ABCA8: variants seen among roughly 807,000 people sequenced by gnomAD.
The protein encoded by ABCA8 is ATP binding cassette subfamily A member 8.
A neutral mutation model predicts 192.3 loss-of-function variants in ABCA8; 177 were observed. That is an observed-to-expected ratio of 0.92 (90% CI 0.81 to 1.04). The LOEUF (loss-of-function observed/expected upper bound fraction) is 1.04, where lower values mean the gene tolerates loss of function less well. Ranked by LOEUF, ABCA8 falls within the 50% of genes least tolerant of loss-of-function variation. The pLI is 0.00. For missense variants in ABCA8, 1,915 were observed against 1,904.8 expected, an observed-to-expected ratio of 1.01 and a Z score of -0.10; for synonymous variants, 642 against 690.2, an observed-to-expected ratio of 0.93 and a Z score of 1.09.
chr17:68,942,428 G>A (rs2068258444), intron 2 of ABCA8, among the ~76,000 whole-genome samples: 1 of 152,216 alleles, frequency 6.6e-6, no homozygotes, highest in Non-Finnish European at 1.5e-5. Flanking sequence ...CCAGGTATCA[G>A]AATAGTTCAT....
chr17:68,918,167 G>A lies in ABCA8; in HGVS notation c.1927C>T (p.Pro643Ser). ...GAAAAGGGATCCAATCCAGCAGTTG[G>A]TTCATCCAACAGGAAAATCTATAAA... is the stretch of plus-strand genomic sequence containing the variant. ...GDPQIFLLDE[P>S]TAGLDPFSRH... The change falls in exon 16 of 40, where the codon CCA (proline) becomes TCA (serine). Residue 643 changes from proline (P) to serine (S), a missense_variant. Physicochemically the swap from Pro to Ser is moderately conservative, Grantham distance 74. Coordinates refer to ENST00000586539, the MANE Select transcript of ABCA8 (RefSeq NM_001288985.2). The A allele has an allele frequency of 6.2e-7, 1 of 1,614,080 alleles. No individual in the cohort carries two copies. The highest frequency in any genetic ancestry group is 1.6e-4 in the Middle Eastern group (1 of 6,062).
intron 29 of ABCA8, among the ~76,000 whole-genome samples, chr17:68,883,364 C>A (rs879823345): frequency 2.0e-5 from 3 of 152,182 alleles, no homozygotes; most frequent in African/African-American, 7.2e-5. Context: ...GCTTTTAAGT[C>A]CCATTAATAA....
chr17:68,875,151 C>A, intron 37 of ABCA8, 109 bp downstream of exon 37: 2 of 1,466,672 alleles, frequency 1.4e-6, no homozygotes, highest in Non-Finnish European at 1.8e-6. Flanking sequence ...CAGAATCCAA[C>A]AAATAATCTC....
intron 21 of ABCA8, among the ~76,000 whole-genome samples, chr17:68,900,322 A>G (rs2066873178): frequency 6.6e-6 from 1 of 152,110 alleles, no homozygotes; most frequent in African/African-American, 2.4e-5. Context: ...TTGTGTAACA[A>G]CAAATTAGAT....
intron 24 of ABCA8, among the ~76,000 whole-genome samples, chr17:68,887,925 T>TCTATA: frequency 9.9e-6 from 1 of 101,018 alleles, no homozygotes; most frequent in Non-Finnish European, 1.9e-5. Context: ...TATATATATA[T>TCTATA]TATATATGGA....
chr17:68,897,679 A>G (rs1210520939), intron 21 of ABCA8, among the ~76,000 whole-genome samples: 1 of 152,202 alleles, frequency 6.6e-6, no homozygotes, highest in African/African-American at 2.4e-5. Context: ...TAAAGAACCA[A>G]ATAGAAATTC....
intron 17 of ABCA8, among the ~76,000 whole-genome samples, chr17:68,915,092 A>G (rs2067322280): frequency 6.6e-6 from 1 of 152,130 alleles, no homozygotes; most frequent in Non-Finnish European, 1.5e-5. Flanking sequence ...ATGCAGAAGA[A>G]TGAACCTAGA....
chr17:68,954,484 A>C (rs2068658858), intron 1 of ABCA8, among the ~76,000 whole-genome samples: 1 of 152,164 alleles, frequency 6.6e-6, no homozygotes, highest in African/African-American at 2.4e-5. Context: ...AAAAACATGA[A>C]TACTTTATTA....
At chr17:68,942,723 A>G (rs2068266941) in intron 2 of ABCA8, among the ~76,000 whole-genome samples, 1 of 152,084 alleles carries the variant, frequency 6.6e-6, no homozygotes, top group African/African-American at 2.4e-5. Context: ...TCCAATTGTC[A>G]ATACCTTATC....
chr17:68,869,540 C>T (rs772878653), intron 38 of ABCA8, among the ~76,000 whole-genome samples, 160 bp downstream of exon 38: 2 of 152,120 alleles, frequency 1.3e-5, no homozygotes, highest in African/African-American at 2.4e-5. Flanking sequence ...CAGAGAATCC[C>T]TCTATCTCCT....
rs1448824750 is a variant in ABCA8, at chr17:68,876,501, C to T, written c.4329G>A (p.Glu1443=). The change falls in exon 35 of 40, where the codon GAG becomes GAA. Residue 1443 remains glutamate, a synonymous_variant. Coordinates refer to ENST00000586539, the MANE Select transcript of ABCA8 (RefSeq NM_001288985.2). ...CCTCGGGGTCCATCCCGGTCGACGG[C>T]TCATCCAGAAGCACCACTGACGGGT... ...LGNPSVVLLD[E]PSTGMDPEGQ... The T allele has an allele frequency of 6.2e-7, 1 of 1,614,042 alleles. No homozygotes were observed. The highest frequency in any genetic ancestry group is 1.3e-5 in the African/African-American group (1 of 75,022).
intron 17 of ABCA8, among the ~76,000 whole-genome samples, chr17:68,916,891 T>C (rs1051960678): frequency 6.6e-6 from 1 of 152,208 alleles, no homozygotes; most frequent in African/African-American, 2.4e-5. Flanking sequence ...ATCTAAAATC[T>C]CCAGATCAAT....
chr17:68,945,498 T>C (rs1325951745), intron 2 of ABCA8, among the ~76,000 whole-genome samples: 1 of 152,222 alleles, frequency 6.6e-6, no homozygotes, highest in Non-Finnish European at 1.5e-5. Flanking sequence ...ATTTGGTGTG[T>C]GTGTCCTGTT....
chr17:68,942,358 A>G (rs1187171217), intron 2 of ABCA8, among the ~76,000 whole-genome samples: 1 of 152,238 alleles, frequency 6.6e-6, no homozygotes, highest in Non-Finnish European at 1.5e-5. Flanking sequence ...GCCAGCTGGC[A>G]TGATGTTATG....
At chr17:68,877,961 A>T (rs2066249446) in intron 32 of ABCA8, 2 of 308,592 alleles carry the variant, frequency 6.5e-6, no homozygotes, top group Non-Finnish European at 1.2e-5. Context: ...CATTTTTTTT[A>T]AATCACTGTC....
intron 1 of ABCA8, among the ~76,000 whole-genome samples, chr17:68,953,353 C>T (rs2068621087): frequency 6.6e-6 from 1 of 152,196 alleles, no homozygotes; most frequent in Non-Finnish European, 1.5e-5. Context: ...TTTCTATGAA[C>T]TCCTCCATAG....
intron 6 of ABCA8, 112 bp from the exon 7 acceptor site, chr17:68,932,626 T>G (rs910281176): frequency 5.1e-6 from 4 of 780,558 alleles, no homozygotes; most frequent in Non-Finnish European, 8.4e-6. Context: ...GATTTGATAC[T>G]AACCTAAATT....
At chr17:68,910,066 G>T (rs2067194292) in intron 17 of ABCA8, among the ~76,000 whole-genome samples, 1 of 152,122 alleles carries the variant, frequency 6.6e-6, no homozygotes, top group Non-Finnish European at 1.5e-5. Context: ...AGGAGGGGAG[G>T]TAGAGCAAGG....
At chr17:68,943,510 A>G (rs1343001026) in intron 2 of ABCA8, among the ~76,000 whole-genome samples, 1 of 152,342 alleles carries the variant, frequency 6.6e-6, no homozygotes, top group East Asian at 1.9e-4. Context: ...CTTACAATGC[A>G]TAAATTCTCA....
Sources: allele counts gnomAD v4.1 joint callset (sites outside exome capture counted in the v4.1 genomes callset), GRCh38; gene constraint gnomAD v4.1.1; transcripts MANE v1.5; gene names NCBI Gene and HGNC (gene_info 2026-07-23, HGNC 2026-07-21).